Variants in ERBIN observed in about 807,000 individuals in gnomAD.
The protein encoded by ERBIN is densin-180-like protein.
A neutral mutation model predicts 158.4 loss-of-function variants in ERBIN; 60 were observed. The observed-to-expected ratio is 0.38, with a 90% CI of 0.31 to 0.47. ERBIN has a LOEUF of 0.47. ERBIN is among the 20% of genes least tolerant of loss of function. The pLI, the probability that ERBIN is intolerant of heterozygous loss-of-function variation, is 0.99. For synonymous variants in ERBIN, 594 were observed against 557.2 expected (o/e 1.07, Z -0.93); for missense variants, 1,610 against 1,648.0 (o/e 0.98, Z 0.40).
rs1398158837 is a variant in ERBIN at position 66,046,542 on chromosome 5, T to C, written c.1788+4T>C. ...TAACCATGATGATGTTTTTGAGGTA[T>C]GATTTTATGATTATTCTGGAGCAAC... On this transcript the variant is annotated splice_donor_region_variant and intron_variant, in intron 18 of 25. Coordinates refer to ENST00000284037, the MANE Select transcript of ERBIN (RefSeq NM_001253697.2). 2 of 1,558,158 alleles carry C rather than the reference T, an allele frequency of 1.3e-6. No homozygotes were observed. The highest frequency in any genetic ancestry group is 1.4e-5 in the African/African-American group (1 of 72,766).
intron 9 of ERBIN, among the ~76,000 whole-genome samples, chr5:66,023,648 A>G (rs1301483560): frequency 6.7e-6 from 1 of 150,158 alleles, no homozygotes; most frequent in East Asian, 1.9e-4. Context: ...TTGGTAAACT[A>G]GGATATTTTT....
rs553330607 is a variant in ERBIN, at chr5:66,055,189, G to A, written c.3633+238G>A. On this transcript the variant is annotated intron_variant, in intron 21 of 25. Coordinates refer to ENST00000284037, the MANE Select transcript of ERBIN (RefSeq NM_001253697.2). ...TAACAAAAATGTATTAATTTTATAT[G>A]TTTATGTGTCTGTCTCTTTGAGATT... The A allele has an allele frequency of 4.8e-5, 47 of 971,220 alleles. 1 individual carries two copies. In the South Asian group the frequency reaches 9.9e-4, roughly 20 times the overall value. 60.2% of individuals were successfully genotyped at this position (971,220 alleles called of 1,614,324 possible).
chr5:65,985,600 G>GGTT (rs1450555921), intron 1 of ERBIN, among the ~76,000 whole-genome samples: 22 of 152,234 alleles, frequency 1.4e-4, no homozygotes, highest in African/African-American at 5.1e-4. Context: ...GTCTATGAAT[G>GGTT]GTTGCCCAAA....
chr5:65,963,762 C>T (rs1443922566), intron 1 of ERBIN, among the ~76,000 whole-genome samples: 7 of 148,890 alleles, frequency 4.7e-5, no homozygotes, highest in Non-Finnish European at 7.4e-5. Context: ...AAGTGATTTG[C>T]GTTTTTGGTA....
intron 10 of ERBIN, 101 bp from the exon 11 acceptor site, chr5:66,025,379 G>GT (rs1756128642): frequency 1.2e-6 from 1 of 864,320 alleles, no homozygotes; most frequent in Non-Finnish European, 1.9e-6. Context: ...TAGGAAAGTT[G>GT]TTTCTAATTC....
chr5:65,954,246 G>T (rs1460972890), intron 1 of ERBIN, among the ~76,000 whole-genome samples: 1 of 152,146 alleles, frequency 6.6e-6, no homozygotes, highest in Non-Finnish European at 1.5e-5. Flanking sequence ...ATAATCTGTG[G>T]GGGAGAGGAG....
At chr5:65,966,414 C>A (rs367579004) in intron 1 of ERBIN, among the ~76,000 whole-genome samples, 38 of 152,218 alleles carry the variant, frequency 2.5e-4, no homozygotes, top group African/African-American at 8.9e-4. Context: ...GGCATGGTAG[C>A]TCACGCCTGT....
chr5:66,068,911 C>G (rs1761273195), intron 21 of ERBIN: 4 of 1,535,450 alleles, frequency 2.6e-6, no homozygotes, highest in Non-Finnish European at 2.6e-6. Flanking sequence ...TCCAATTTTA[C>G]TACTGTAAGC....
At chr5:66,077,942 CTT>C (rs1561465354) in intron 25 of ERBIN, among the ~76,000 whole-genome samples, 1 of 152,108 alleles carries the variant, frequency 6.6e-6, no homozygotes, top group Non-Finnish European at 1.5e-5. Flanking sequence ...GTGAAAGAAT[CTT>C]TTTTGAGCAT....
chr5:66,036,382 A>G (rs1757398221), intron 14 of ERBIN, among the ~76,000 whole-genome samples: 1 of 151,884 alleles, frequency 6.6e-6, no homozygotes, highest in African/African-American at 2.4e-5. Context: ...CTTCATCTCT[A>G]CCCCATACAC....
rs750815535 is a variant in ERBIN, at chr5:66,054,452, A to G, written c.3134A>G (p.His1045Arg). 2 of 1,614,060 alleles carry G rather than the reference A, an allele frequency of 1.2e-6. No homozygotes were observed. Among genetic ancestry groups the G allele is most frequent in the Admixed American group, 1.7e-5 (1 of 59,996 alleles). ...CGAGCTAATACTGCATACCATTTAC[A>G]TCAGAGACTTGGCCCAGCAAGACAT... ...NVRANTAYHL[H>R]QRLGPARHGE... The change falls in exon 21 of 26, where the codon CAT (histidine) becomes CGT (arginine). Residue 1045 changes from histidine to arginine, a missense_variant. Coordinates refer to ENST00000284037, the MANE Select transcript of ERBIN (RefSeq NM_001253697.2).
intron 17 of ERBIN, among the ~76,000 whole-genome samples, chr5:66,045,834 A>G (rs1206600463): frequency 6.6e-6 from 1 of 152,184 alleles, no homozygotes; most frequent in Non-Finnish European, 1.5e-5. Flanking sequence ...ATATTGGTCC[A>G]TTTTACCTAA....
At chr5:65,941,606 TGTA>T (rs201294439) in intron 1 of ERBIN, among the ~76,000 whole-genome samples, 3,981 of 152,152 alleles carry the variant, frequency 0.026, 176 homozygotes, top group African/African-American at 0.092. Flanking sequence ...ATTTAATTAT[TGTA>T]GTAGGCTTGA....
intron 1 of ERBIN, among the ~76,000 whole-genome samples, chr5:65,971,668 C>T (rs1749256637): frequency 6.6e-6 from 1 of 152,158 alleles, no homozygotes; most frequent in South Asian, 2.1e-4. Flanking sequence ...TTTTATTTTT[C>T]TCTCTTCAGA....
In ERBIN at chr5:66,064,601, A is replaced by G. The variant is rs1052191569; in HGVS notation, c.3634-7568A>G. On this transcript the variant is annotated intron_variant, in intron 21 of 25. Transcript: ENST00000284037. Reference sequence around the variant, plus strand: ...ACACAATAAACAAAAGAGAGCCACTATTATTTCCTGAGCATATAGAGTATT... The same window carrying G: ...ACACAATAAACAAAAGAGAGCCACTGTTATTTCCTGAGCATATAGAGTATT... Among the ~76,000 whole-genome samples the G allele has an allele frequency of 3.9e-5, 6 of 152,328 alleles. No individual in the cohort carries two copies. The East Asian group carries it at 5.8e-4, about 15-fold the overall frequency.
At chr5:65,992,335 A>C (rs1751962116) in intron 2 of ERBIN, among the ~76,000 whole-genome samples, 1 of 151,944 alleles carries the variant, frequency 6.6e-6, no homozygotes, top group Admixed American at 6.6e-5. Flanking sequence ...TTTTTAGGAG[A>C]GACGGGGTTT....
At chr5:66,076,780 C>G (rs1489513718) in intron 24 of ERBIN, 95 bp from the exon 25 acceptor site, 7 of 853,892 alleles carry the variant, frequency 8.2e-6, no homozygotes, top group Non-Finnish European at 1.3e-5. Context: ...TACCATGATT[C>G]AAATATTTGC....
intron 1 of ERBIN, among the ~76,000 whole-genome samples, chr5:65,961,673 A>G (rs889109418): frequency 2.6e-5 from 4 of 152,198 alleles, no homozygotes; most frequent in Non-Finnish European, 5.9e-5. Context: ...AGGAAATTCC[A>G]GCTTTATTTT....
intron 1 of ERBIN, among the ~76,000 whole-genome samples, chr5:65,934,612 C>G (rs1743857715): frequency 6.6e-6 from 1 of 152,174 alleles, no homozygotes; most frequent in South Asian, 2.1e-4. Flanking sequence ...TACGTCTTAT[C>G]AGGTGGCAGG....
Sources: gnomAD v4.1 joint callset for allele counts (sites outside exome capture counted in the v4.1 genomes callset) on GRCh38, gnomAD v4.1.1 for gene constraint, MANE v1.5 for transcripts, NCBI Gene and HGNC (gene_info 2026-07-23, HGNC 2026-07-21) for gene names.